Variants in IFT81 observed in about 807,000 individuals in gnomAD.
The protein encoded by IFT81 is intraflagellar transport 81.
In IFT81, 72 loss-of-function variants were observed where a neutral mutation model predicts 102.6. The ratio of observed to expected loss-of-function variants is 0.70; its 90% confidence interval spans 0.58 to 0.85. IFT81 has a LOEUF of 0.85. Ranked by LOEUF, IFT81 falls within the 40% of genes least tolerant of loss-of-function variation. The pLI is 0.00. For synonymous variants in IFT81, 237 were observed against 242.7 expected, an observed-to-expected ratio of 0.98 and a Z score of 0.22; for missense variants, 723 against 787.3, an observed-to-expected ratio of 0.92 and a Z score of 0.98.
At chr12:110,137,393 A>G (rs1332418572) in intron 8 of IFT81, among the ~76,000 whole-genome samples, 4 of 151,942 alleles carry the variant, frequency 2.6e-5, no homozygotes, top group Non-Finnish European at 5.9e-5. Flanking sequence ...GAGTGAAGAT[A>G]ATGAAAACAA....
At chr12:110,177,476 GT>G (rs1897087232) in intron 11 of IFT81, among the ~76,000 whole-genome samples, 2 of 152,124 alleles carry the variant, frequency 1.3e-5, no homozygotes, top group Non-Finnish European at 2.9e-5. Flanking sequence ...TAGGGACGGA[GT>G]TTGGCCATAC....
intron 11 of IFT81, among the ~76,000 whole-genome samples, chr12:110,179,775 C>CAT (rs1897235055): frequency 2.3e-5 from 2 of 88,466 alleles, no homozygotes; most frequent in Non-Finnish European, 4.9e-5. Context: ...TATATATATA[C>CAT]ACACACACAC....
chr12:110,150,650 T>C (rs1329163508), intron 10 of IFT81, among the ~76,000 whole-genome samples: 1 of 152,104 alleles, frequency 6.6e-6, no homozygotes, highest in East Asian at 1.9e-4. Context: ...TTTATAATAT[T>C]AATCCACATT....
Position 110,174,456 on chromosome 12 carries a change from A to AG in IFT81, c.1189-5965dup, listed in dbSNP as rs373138172. ...GGAGACAAGAGCAAGACTCCGTCTCAGAAAAAAAAAAAAAAAAAAAATGGC... is the reference window on the plus strand; with the variant it reads ...GGAGACAAGAGCAAGACTCCGTCTCAGGAAAAAAAAAAAAAAAAAAAATGGC... On this transcript the variant is annotated intron_variant, in intron 11 of 18. Transcript: ENST00000242591. 8.2e-3 allele frequency among the ~76,000 whole-genome samples: 1,153 copies of AG among 140,774 alleles called. 26 individuals carry two copies. The highest frequency in any genetic ancestry group is 0.032 in the African/African-American group (1,100 of 34,012). 92.4% of individuals were successfully genotyped at this position (140,774 alleles called of 152,430 possible).
chr12:110,181,439 A>G (rs1321398779), intron 12 of IFT81, among the ~76,000 whole-genome samples: 1 of 152,136 alleles, frequency 6.6e-6, no homozygotes, highest in African/African-American at 2.4e-5. Context: ...TTACCTTTCT[A>G]TTATGAATTT....
intron 11 of IFT81, among the ~76,000 whole-genome samples, chr12:110,179,769 T>TACACACACACAC (rs1299408451): frequency 1.5e-4 from 10 of 65,362 alleles, no homozygotes; most frequent in African/African-American, 4.9e-4. Context: ...TATATATATA[T>TACACACACACAC]ATATACACAC....
intron 12 of IFT81, among the ~76,000 whole-genome samples, chr12:110,184,129 T>A (rs1897417901): frequency 6.6e-6 from 1 of 152,138 alleles, no homozygotes; most frequent in South Asian, 2.1e-4. Flanking sequence ...GGCGGGTGGA[T>A]CACGAGGTCA....
chr12:110,172,623 G>C (rs1896795485), intron 11 of IFT81, among the ~76,000 whole-genome samples: 1 of 152,162 alleles, frequency 6.6e-6, no homozygotes, highest in African/African-American at 2.4e-5. Flanking sequence ...TCCTAACCGC[G>C]AGTGATCCGC....
At chr12:110,206,624 G>A (rs1032943053) in intron 17 of IFT81, among the ~76,000 whole-genome samples, 7 of 149,010 alleles carry the variant, frequency 4.7e-5, no homozygotes, top group African/African-American at 1.2e-4. Context: ...GCAGTAAGCC[G>A]AAATCATGCC....
Position 110,132,563 on chromosome 12 carries a change from A to G in IFT81, c.446A>G (p.Glu149Gly). 1 of 1,522,748 alleles carries G rather than the reference A, an allele frequency of 6.6e-7. No homozygotes were observed. The allele number at this position is 1,522,748 out of a possible 1,614,324, so 94.3% of individuals were successfully genotyped here. The change falls in exon 5 of 19, where the codon GAA becomes GGA. Residue 149 changes from glutamate (E) to glycine (G), a missense_variant. Transcript: ENST00000242591. ...DTNKQYEELMEAFKTLHKEYE... is the reference protein window; with the variant it reads ...DTNKQYEELMGAFKTLHKEYE... ...TTCTTCTAGTATGAAGAGTTAATGG[A>G]AGCCTTTAAAACTTTGCATAAAGAA...
intron 11 of IFT81, among the ~76,000 whole-genome samples, chr12:110,175,571 T>A (rs1011472285): frequency 6.6e-6 from 1 of 152,230 alleles, no homozygotes; most frequent in Non-Finnish European, 1.5e-5. Flanking sequence ...AGAAATTTTT[T>A]AAAAAACTCG....
chr12:110,164,618 C>G (rs574237846), intron 11 of IFT81, among the ~76,000 whole-genome samples: 1 of 152,124 alleles, frequency 6.6e-6, no homozygotes, highest in Non-Finnish European at 1.5e-5. Context: ...CCCATAGTAC[C>G]ACTTTTCTCT....
chr12:110,145,905 G>T (rs1207189041), intron 9 of IFT81, among the ~76,000 whole-genome samples: 1 of 151,786 alleles, frequency 6.6e-6, no homozygotes, highest in African/African-American at 2.4e-5. Context: ...CCACCTCCTG[G>T]GTTCAAGTGA....
chr12:110,126,980 A>G (rs1036227249), intron 1 of IFT81, among the ~76,000 whole-genome samples: 3 of 152,178 alleles, frequency 2.0e-5, no homozygotes, highest in Non-Finnish European at 4.4e-5. Flanking sequence ...TTTGGGAGAA[A>G]CATCTGTTAG....
intron 12 of IFT81, among the ~76,000 whole-genome samples, chr12:110,187,816 A>G (rs533469482): frequency 6.6e-6 from 1 of 152,310 alleles, no homozygotes; most frequent in African/African-American, 2.4e-5. Context: ...ATCCAAAGAT[A>G]TAGTTCTCGT....
At chr12:110,144,090 G>C (rs1895051756) in intron 9 of IFT81, among the ~76,000 whole-genome samples, 1 of 143,848 alleles carries the variant, frequency 7.0e-6, no homozygotes, top group Non-Finnish European at 1.5e-5. Context: ...TCAGCTCACT[G>C]CAACCTCTGC....
intron 5 of IFT81, among the ~76,000 whole-genome samples, chr12:110,133,442 G>A (rs549311553): frequency 2.1e-4 from 31 of 144,528 alleles, no homozygotes; most frequent in Non-Finnish European, 4.4e-4. Context: ...GGGCATGATG[G>A]CAAGATTCTG....
intron 10 of IFT81, among the ~76,000 whole-genome samples, chr12:110,148,290 C>T (rs1016748105): frequency 5.3e-5 from 8 of 152,042 alleles, no homozygotes; most frequent in African/African-American, 1.9e-4. Flanking sequence ...GGAGCTTGAA[C>T]AGATCTGGTT....
chr12:110,143,121 T>A (rs1430261087), intron 8 of IFT81, among the ~76,000 whole-genome samples: 1 of 152,078 alleles, frequency 6.6e-6, no homozygotes, highest in Non-Finnish European at 1.5e-5. Flanking sequence ...ATAAAAGAAT[T>A]AGGTTATAAT....
Sources: gnomAD v4.1 joint callset for allele counts (sites outside exome capture counted in the v4.1 genomes callset) on GRCh38, gnomAD v4.1.1 for gene constraint, MANE v1.5 for transcripts, NCBI Gene and HGNC (gene_info 2026-07-23, HGNC 2026-07-21) for gene names.